FOXO1: variants seen among roughly 807,000 people sequenced by gnomAD.
FOXO1 encodes the protein forkhead box O1, also known as forkhead box protein O1.
In FOXO1, 6 loss-of-function variants were observed where a neutral mutation model predicts 44.1. The ratio of observed to expected loss-of-function variants is 0.14; its 90% CI spans 0.07 to 0.27. FOXO1 has a LOEUF of 0.27. Among genes scored for constraint, FOXO1 ranks in the 10% least tolerant of loss-of-function variants. FOXO1 has a pLI of 1.00. For missense variants in FOXO1, 737 were observed against 888.8 expected (o/e 0.83, Z 2.17); for synonymous variants, 380 against 362.7 (o/e 1.05, Z -0.54).
intron 1 of FOXO1, among the ~76,000 whole-genome samples, chr13:40,581,136 G>A (rs988168429): frequency 1.3e-5 from 2 of 152,190 alleles, no homozygotes; most frequent in Non-Finnish European, 2.9e-5. Context: ...CACAACAGGT[G>A]TCCAGAGAGC....
rs150022462 is a variant in FOXO1, at chr13:40,588,549, G to C, written c.631-27689C>G. Among the ~76,000 whole-genome samples the C allele has an allele frequency of 3.7e-3, 560 of 152,206 alleles. 4 individuals carry two copies. Among genetic ancestry groups the C allele is most frequent in the South Asian group, 0.028 (134 of 4,818 alleles). On this transcript the variant is annotated intron_variant, in intron 1 of 2. Coordinates refer to ENST00000379561, the MANE Select transcript of FOXO1 (RefSeq NM_002015.4). Reference sequence around the variant, plus strand: ...CCCTTAAACTGAGTTTAAGATTTTGGGGGGGACATTTACTCCAAGCCAAAA... The same window carrying C: ...CCCTTAAACTGAGTTTAAGATTTTGCGGGGGACATTTACTCCAAGCCAAAA...
chr13:40,632,688 A>G (rs914641883), intron 1 of FOXO1, among the ~76,000 whole-genome samples: 4 of 152,146 alleles, frequency 2.6e-5, no homozygotes, highest in Non-Finnish European at 5.9e-5. Context: ...CATGCCTGTA[A>G]TCCCAGCACT....
chr13:40,648,384 A>G (rs1006719281), intron 1 of FOXO1, among the ~76,000 whole-genome samples: 8 of 152,236 alleles, frequency 5.3e-5, no homozygotes, highest in African/African-American at 1.9e-4. Flanking sequence ...ATGTATACTT[A>G]GATGCAAAAC....
At position 40,664,652 on chromosome 13, in the gene FOXO1, A is replaced by G. The variant is rs542429815; in HGVS notation, c.630+931T>C. On this transcript the variant is annotated intron_variant, in intron 1 of 2. Transcript: ENST00000379561. ...CACACATCCCAGCCCCCGGCCCCTC[A>G]GGGCAGCCTCTGTGTTTCTAACTAA... Among the ~76,000 whole-genome samples, 15 of 152,238 alleles carry G rather than the reference A, an allele frequency of 9.9e-5. No individual in the cohort carries two copies. The East Asian group carries it at 2.3e-3, about 24-fold the overall frequency.
chr13:40,654,600 A>ATCTG (rs895157315), intron 1 of FOXO1, among the ~76,000 whole-genome samples: 5 of 152,148 alleles, frequency 3.3e-5, no homozygotes, highest in African/African-American at 9.7e-5. Flanking sequence ...GGTCTCGAAG[A>ATCTG]TCTGTATACA....
chr13:40,666,007 T>G lies in FOXO1; in HGVS notation c.206A>C (p.Asp69Ala), dbSNP rs1878233698. The G allele has an allele frequency of 2.4e-6, 3 of 1,267,608 alleles. No individual in the cohort carries two copies. Among genetic ancestry groups the G allele is most frequent in the East Asian group, 3.2e-5 (1 of 31,462 alleles). The allele number at this position is 1,267,608 out of a possible 1,614,324, so 78.5% of individuals were successfully genotyped here. A position where few individuals can be genotyped will look rare whatever the true frequency, so the allele number is the denominator to read the frequency against. Reference sequence around the variant, plus strand: ...CAGCAAGCTCAGGTTGCTCATGAAGTCGGCGCTGACAGCGGCAGCCGAGGC... The same window carrying G: ...CAGCAAGCTCAGGTTGCTCATGAAGGCGGCGCTGACAGCGGCAGCCGAGGC... ...PSASAAAVSA[D>A]FMSNLSLLEE... is the part of the protein sequence containing the mutation. Residue 69 changes from aspartate to alanine, a missense_variant, in exon 1 of 3, where the codon GAC becomes GCC. Physicochemically the swap from Asp to Ala is moderately radical, Grantham distance 126 (BLOSUM62 -2). Transcript: ENST00000379561.
intron 1 of FOXO1, among the ~76,000 whole-genome samples, chr13:40,632,541 G>C (rs893223590): frequency 6.6e-6 from 1 of 152,104 alleles, no homozygotes; most frequent in African/African-American, 2.4e-5. Flanking sequence ...GGGAGGCTGA[G>C]GCACGAATAT....
At chr13:40,620,368 T>G (rs564507243) in intron 1 of FOXO1, 2 of 713,822 alleles carry the variant, frequency 2.8e-6, no homozygotes, top group Non-Finnish European at 5.0e-6. Context: ...ATTTCTCGTT[T>G]AGAGCGGTCA....
chr13:40,643,444 T>A (rs939348598), intron 1 of FOXO1, among the ~76,000 whole-genome samples: 10 of 152,216 alleles, frequency 6.6e-5, no homozygotes, highest in African/African-American at 2.4e-4. Flanking sequence ...GTGTATTTCC[T>A]CCCGAGTACA....
At chr13:40,591,513 T>C (rs2137865667) in intron 1 of FOXO1, among the ~76,000 whole-genome samples, 1 of 152,198 alleles carries the variant, frequency 6.6e-6, no homozygotes, top group East Asian at 1.9e-4. Flanking sequence ...CCTGGTGCCA[T>C]ACTTACTGGG....
chr13:40,662,418 G>A (rs779514011), intron 1 of FOXO1, among the ~76,000 whole-genome samples: 1 of 151,996 alleles, frequency 6.6e-6, no homozygotes, highest in Non-Finnish European at 1.5e-5. Context: ...ACAGGTCATG[G>A]AAATGAAGTT....
chr13:40,559,105 T>C (rs1873876598), intron 2 of FOXO1, 71 bp from the exon 3 acceptor site: 2 of 402,516 alleles, frequency 5.0e-6, no homozygotes, highest in Non-Finnish European at 8.8e-6. Flanking sequence ...TTAAAATCAA[T>C]TCAACTTAAC....
Position 40,666,256 on chromosome 13 carries a change from G to T in FOXO1, c.-44C>A. On this transcript the variant is annotated 5_prime_UTR_variant, in exon 1 of 3. Coordinates refer to ENST00000379561, the MANE Select transcript of FOXO1 (RefSeq NM_002015.4). ...CCCAGCCGCAGGAGAGCCAAGAGGG[G>T]GAGAACGCAGCACTGGGGGCGGACG... 1 of 1,349,798 alleles carries T rather than the reference G, an allele frequency of 7.4e-7. No individual in the cohort carries two copies. Among genetic ancestry groups the T allele is most frequent in the South Asian group, 1.7e-5 (1 of 59,024 alleles). 83.6% of individuals were successfully genotyped at this position (1,349,798 alleles called of 1,614,324 possible).
At chr13:40,606,377 T>C (rs917762684) in intron 1 of FOXO1, among the ~76,000 whole-genome samples, 1 of 152,160 alleles carries the variant, frequency 6.6e-6, no homozygotes, top group African/African-American at 2.4e-5. Flanking sequence ...TGGCGCAATC[T>C]TAGCTCACTG....
chr13:40,624,314 G>A, intron 1 of FOXO1, among the ~76,000 whole-genome samples: 2 of 56,674 alleles, frequency 3.5e-5, no homozygotes, highest in African/African-American at 8.1e-5. Flanking sequence ...AACTAATACT[G>A]CTTAAAAAAA....
chr13:40,566,069 A>G (rs555157396), intron 1 of FOXO1, among the ~76,000 whole-genome samples: 88 of 152,348 alleles, frequency 5.8e-4, no homozygotes, highest in Non-Finnish European at 1.0e-3. Context: ...AAGGTGCTGC[A>G]GCCAAGCCAC....
chr13:40,565,101 A>G (rs1229340602), intron 1 of FOXO1, among the ~76,000 whole-genome samples: 1 of 151,458 alleles, frequency 6.6e-6, no homozygotes. Context: ...CATAGCCTCA[A>G]TAACTGTTTG....
chr13:40,576,655 G>C (rs1250062341), intron 1 of FOXO1, among the ~76,000 whole-genome samples: 2 of 152,178 alleles, frequency 1.3e-5, no homozygotes, highest in African/African-American at 4.8e-5. Flanking sequence ...CGCTGAAAAT[G>C]ACAGGGTTTT....
intron 1 of FOXO1, among the ~76,000 whole-genome samples, chr13:40,631,103 A>C (rs1876947379): frequency 2.0e-5 from 3 of 152,230 alleles, no homozygotes; most frequent in Non-Finnish European, 2.9e-5. Flanking sequence ...TTTGTTCCAG[A>C]GTTCTCAATC....
Sources: allele counts gnomAD v4.1 joint callset (sites outside exome capture counted in the v4.1 genomes callset), GRCh38; gene constraint gnomAD v4.1.1; transcripts MANE v1.5; gene names NCBI Gene and HGNC (gene_info 2026-07-23, HGNC 2026-07-21).